Variants in AGBL1 observed in about 807,000 individuals in gnomAD.
The protein encoded by AGBL1 is cytosolic carboxypeptidase 4.
In AGBL1, 130 loss-of-function variants were observed where a neutral mutation model predicts 118.9. The observed-to-expected ratio is 1.09, with a 90% confidence interval of 0.95 to 1.26. The LOEUF (loss-of-function observed/expected upper bound fraction) is 1.26. Among genes scored for constraint, AGBL1 ranks in the 50% most tolerant of loss-of-function variants. The pLI, the probability that AGBL1 is intolerant of heterozygous loss-of-function variation, is 0.00. For missense variants in AGBL1, 1,584 were observed against 1,298.1 expected (o/e 1.22, Z -3.38); for synonymous variants, 555 against 478.9 (o/e 1.16, Z -2.08).
intron 22 of AGBL1, among the ~76,000 whole-genome samples, chr15:86,839,380 A>G (rs1385151885): frequency 6.6e-6 from 1 of 152,204 alleles, no homozygotes; most frequent in Non-Finnish European, 1.5e-5. Context: ...GCTCTCTGCC[A>G]TAGGGGCCCT....
At chr15:86,527,323 T>C (rs2083280994) in intron 19 of AGBL1, among the ~76,000 whole-genome samples, 1 of 152,192 alleles carries the variant, frequency 6.6e-6, no homozygotes. Context: ...GAGCAGAACA[T>C]TTATTTTAAA....
chr15:86,250,142 C>T lies in AGBL1; in HGVS notation c.735+2263C>T, dbSNP rs946710854. 1.6e-4 allele frequency among the ~76,000 whole-genome samples: 24 copies of T among 152,184 alleles called. 1 individual carries two copies. The highest frequency in any genetic ancestry group is 5.9e-4 in the Admixed American group (9 of 15,282). On this transcript the variant is annotated intron_variant, in intron 7 of 22. Coordinates refer to ENST00000614907, the MANE Select transcript of AGBL1 (RefSeq NM_001386094.1). ...AAATAGGCCATGACACATCTGTCACCTGGAAGAGTGTATAGAATGTATGGG... is the reference window on the plus strand; with the variant it reads ...AAATAGGCCATGACACATCTGTCACTTGGAAGAGTGTATAGAATGTATGGG...
At chr15:86,860,732 G>C (rs558889730) in intron 22 of AGBL1, among the ~76,000 whole-genome samples, 1 of 152,180 alleles carries the variant, frequency 6.6e-6, no homozygotes, top group East Asian at 1.9e-4. Context: ...GTGTGTGTGT[G>C]TGTGTGTGCC....
At chr15:86,280,526 T>C (rs941794552) in intron 16 of AGBL1, among the ~76,000 whole-genome samples, 1 of 152,186 alleles carries the variant, frequency 6.6e-6, no homozygotes. Context: ...ACTGCTACCA[T>C]TTCGTGGATA....
chr15:86,586,444 C>T (rs1274456813), intron 21 of AGBL1, among the ~76,000 whole-genome samples: 1 of 151,968 alleles, frequency 6.6e-6, no homozygotes. Context: ...TATCATATAC[C>T]TTTTAGGATG....
intron 18 of AGBL1, among the ~76,000 whole-genome samples, chr15:86,477,586 A>T (rs1051221070): frequency 6.6e-6 from 1 of 152,208 alleles, no homozygotes; most frequent in Non-Finnish European, 1.5e-5. Flanking sequence ...TGAGGCAATA[A>T]TTAATTGCTT....
At chr15:86,443,229 G>A (rs2082085302) in intron 18 of AGBL1, among the ~76,000 whole-genome samples, 1 of 152,156 alleles carries the variant, frequency 6.6e-6, no homozygotes, top group South Asian at 2.1e-4. Context: ...ATGGCTGCTG[G>A]GGGTACAGTT....
intron 1 of AGBL1, among the ~76,000 whole-genome samples, chr15:86,116,072 A>C (rs1897736647): frequency 6.6e-6 from 1 of 152,214 alleles, no homozygotes; most frequent in Non-Finnish European, 1.5e-5. Flanking sequence ...GTATCACTAA[A>C]ATAGGCAGGG....
intron 19 of AGBL1, among the ~76,000 whole-genome samples, chr15:86,540,432 A>T (rs573053247): frequency 6.6e-6 from 1 of 152,140 alleles, no homozygotes; most frequent in Non-Finnish European, 1.5e-5. Flanking sequence ...TGTCTCTACT[A>T]AAAACACAAA....
intron 5 of AGBL1, among the ~76,000 whole-genome samples, chr15:86,216,115 G>A (rs1301513230): frequency 1.3e-5 from 2 of 152,088 alleles, no homozygotes; most frequent in Non-Finnish European, 2.9e-5. Flanking sequence ...TGGCCACCTT[G>A]CAAAACTTGT....
At chr15:86,300,445 T>C (rs542502048) in intron 17 of AGBL1, among the ~76,000 whole-genome samples, 66 of 152,316 alleles carry the variant, frequency 4.3e-4, no homozygotes, top group African/African-American at 1.5e-3. Context: ...GGAATGAATT[T>C]GTGGGAATTT....
At chr15:86,559,767 T>C (rs1029264615) in intron 21 of AGBL1, among the ~76,000 whole-genome samples, 4 of 152,014 alleles carry the variant, frequency 2.6e-5, no homozygotes, top group African/African-American at 9.7e-5. Context: ...AGCTAGAAGT[T>C]TTCTGAGCCA....
At chr15:86,885,568 T>G (rs1490413271) in intron 22 of AGBL1, among the ~76,000 whole-genome samples, 2 of 152,212 alleles carry the variant, frequency 1.3e-5, no homozygotes, top group African/African-American at 4.8e-5. Context: ...CAGTGATTTC[T>G]CCCAATGATG....
chr15:86,941,057 A>C (rs753945113), intron 23 of AGBL1, among the ~76,000 whole-genome samples: 2 of 152,222 alleles, frequency 1.3e-5, no homozygotes, highest in Non-Finnish European at 2.9e-5. Flanking sequence ...TGGCAAAAGC[A>C]ATCAGTAGAT....
At chr15:86,649,447 C>G (rs1442309943) in intron 21 of AGBL1, among the ~76,000 whole-genome samples, 2 of 152,146 alleles carry the variant, frequency 1.3e-5, no homozygotes, top group African/African-American at 2.4e-5. Context: ...CTTGGTAGTA[C>G]TGAGTCCACT....
intron 22 of AGBL1, among the ~76,000 whole-genome samples, chr15:86,721,620 A>G (rs1294124602): frequency 2.0e-5 from 3 of 152,178 alleles, no homozygotes; most frequent in South Asian, 4.2e-4. Flanking sequence ...CTCTCTCACC[A>G]CTCCTATTCA....
At chr15:86,556,141 C>CA in intron 21 of AGBL1, 1 of 1,181,444 alleles carries the variant, frequency 8.5e-7, no homozygotes, top group Non-Finnish European at 1.2e-6. Context: ...AATAAATCAG[C>CA]TGGAAACTCA....
intron 6 of AGBL1, among the ~76,000 whole-genome samples, chr15:86,244,771 C>A (rs1425894204): frequency 2.6e-5 from 4 of 152,136 alleles, no homozygotes; most frequent in Non-Finnish European, 4.4e-5. Context: ...GCTTATGCTG[C>A]CCACGGGGCC....
intron 17 of AGBL1, among the ~76,000 whole-genome samples, chr15:86,396,671 G>T (rs546072510): frequency 1.3e-3 from 197 of 152,256 alleles, no homozygotes; most frequent in African/African-American, 4.6e-3. Flanking sequence ...TACGAATGAG[G>T]AGGGAAAGAG....
Sources: gnomAD v4.1 joint callset for allele counts (sites outside exome capture counted in the v4.1 genomes callset) on GRCh38, gnomAD v4.1.1 for gene constraint, MANE v1.5 for transcripts, NCBI Gene and HGNC (gene_info 2026-07-23, HGNC 2026-07-21) for gene names.